The following CYP2C8 variants were observed in gnomAD, a reference collection of about 807,000 sequenced individuals.
CYP2C8 encodes the protein cytochrome P450 2C8.
CYP2C8 carries 51 observed loss-of-function variants against 41.3 expected under a neutral mutation model. The observed-to-expected ratio is 1.24, with a 90% confidence interval of 0.99 to 1.56. The LOEUF (loss-of-function observed/expected upper bound fraction) is 1.56, where lower values mean the gene tolerates loss of function less well. CYP2C8 is among the 40% of genes most tolerant of loss of function. The pLI is 0.00. For missense variants in CYP2C8, 651 were observed against 579.9 expected (o/e 1.12, Z -1.26); for synonymous variants, 218 against 205.8 (o/e 1.06, Z -0.51).
At chr10:95,055,970 G>A (rs2033308354) in intron 5 of CYP2C8, among the ~76,000 whole-genome samples, 1 of 152,050 alleles carries the variant, frequency 6.6e-6, no homozygotes, top group African/African-American at 2.4e-5. Flanking sequence ...GTTTGTGCCT[G>A]TGCTCCTAGC....
intron 4 of CYP2C8, among the ~76,000 whole-genome samples, chr10:95,059,825 G>A (rs574734727): frequency 3.3e-4 from 51 of 152,302 alleles, no homozygotes; most frequent in African/African-American, 1.2e-3. Flanking sequence ...TTTGTATAAG[G>A]TGTAAGGAAG....
intron 4 of CYP2C8, among the ~76,000 whole-genome samples, chr10:95,058,972 A>T (rs141472777): frequency 0.12 from 17,101 of 140,232 alleles, 1,318 homozygotes; most frequent in East Asian, 0.32. Flanking sequence ...AAGAACATGA[A>T]CTCATCCTTT....
chr10:95,039,168 T>C, intron 7 of CYP2C8, 130 bp from the exon 8 acceptor site: 1 of 832,940 alleles, frequency 1.2e-6, no homozygotes, highest in Non-Finnish European at 2.0e-6. Flanking sequence ...ACACAGTAAT[T>C]TACATGGATG....
chr10:95,058,019 T>C (rs1536430), intron 5 of CYP2C8, among the ~76,000 whole-genome samples: 150,531 of 152,308 alleles, frequency 0.99, 74,395 homozygotes, highest in East Asian at 1. Context: ...ATATTGATAT[T>C]CATCTTCAGT....
chr10:95,058,864 A>G (rs181039867), intron 4 of CYP2C8, among the ~76,000 whole-genome samples: 3 of 152,084 alleles, frequency 2.0e-5, no homozygotes, highest in East Asian at 1.9e-4. Flanking sequence ...TCATTGTTCA[A>G]TTCCCACCTA....
In CYP2C8 at chr10:95,067,295, G is replaced by C; in HGVS notation, c.394C>G (p.Arg132Gly). The change falls in exon 3 of 9, where the codon CGG becomes GGG. Residue 132 changes from arginine to glycine, a missense_variant. Coordinates refer to ENST00000371270, the MANE Select transcript of CYP2C8 (RefSeq NM_000770.3). Reference protein sequence around the residue: ...EIRRFSLTTLRNFGMGKRSIE... With the variant: ...EIRRFSLTTLGNFGMGKRSIE... ...CTCCTCTTCCCCATCCCAAAATTCC[G>C]CAAGGTTGTGAGGGAGAAACGCCGG... 1.2e-6 allele frequency: 2 copies of C among 1,614,106 alleles called. No individual in the cohort carries two copies. The highest frequency in any genetic ancestry group is 1.7e-6 in the Non-Finnish European group (2 of 1,180,026).
At position 95,037,314 on chromosome 10, in the gene CYP2C8, AG is replaced by A; in HGVS notation, c.1292-6del. 6.2e-7 allele frequency: 1 copy of A among 1,612,684 alleles called. No individual in the cohort carries two copies. On this transcript the variant is annotated splice_region_variant and splice_polypyrimidine_tract_variant and intron_variant, in intron 8 of 8. Coordinates refer to ENST00000371270, the MANE Select transcript of CYP2C8 (RefSeq NM_000770.3). Reference sequence around the variant, plus strand: ...CTCCTGCACAAATTCGTTTTCCTGAAGATAACAAAGAAAGGAAGTAGTTACT... The same window carrying A: ...CTCCTGCACAAATTCGTTTTCCTGAAATAACAAAGAAAGGAAGTAGTTACT...
At chr10:95,058,800 C>A (rs928440912) in intron 4 of CYP2C8, among the ~76,000 whole-genome samples, 1 of 152,108 alleles carries the variant, frequency 6.6e-6, no homozygotes, top group Non-Finnish European at 1.5e-5. Context: ...CCCCTCCCCC[C>A]ACCACACAAC....
At chr10:95,064,426 GC>G (rs1359054187) in intron 4 of CYP2C8, among the ~76,000 whole-genome samples, 2 of 152,172 alleles carry the variant, frequency 1.3e-5, no homozygotes. Flanking sequence ...GACCCTCCAA[GC>G]CAGGTGCAGG....
At chr10:95,048,353 C>A (rs1040845845) in intron 5 of CYP2C8, among the ~76,000 whole-genome samples, 1 of 152,164 alleles carries the variant, frequency 6.6e-6, no homozygotes, top group Non-Finnish European at 1.5e-5. Context: ...CTCTTTGCTA[C>A]AAAGGAGGGC....
chr10:95,044,129 T>C (rs940353386), intron 6 of CYP2C8, among the ~76,000 whole-genome samples: 3 of 152,182 alleles, frequency 2.0e-5, no homozygotes, highest in African/African-American at 7.2e-5. Flanking sequence ...ACTCTCATTC[T>C]CTTACATGAG....
chr10:95,053,559 A>G lies in CYP2C8; in HGVS notation c.819+4776T>C, dbSNP rs149522380. Among the ~76,000 whole-genome samples, 4 of 152,364 alleles carry G rather than the reference A, an allele frequency of 2.6e-5. No homozygotes were observed. The East Asian group carries it at 7.7e-4, about 29-fold the overall frequency. ...AGACTAGATAAAGAAAATATGGCAC[A>G]TATGCACCATGGAGTACTATGCAGC... On this transcript the variant is annotated intron_variant, in intron 5 of 8. Transcript: ENST00000371270.
intron 4 of CYP2C8, among the ~76,000 whole-genome samples, chr10:95,063,752 T>C (rs935064981): frequency 6.6e-6 from 1 of 152,174 alleles, no homozygotes; most frequent in East Asian, 1.9e-4. Context: ...GTTGTGTTTT[T>C]CCCCCATCTT....
intron 5 of CYP2C8, among the ~76,000 whole-genome samples, chr10:95,046,807 T>G (rs2033118255): frequency 6.6e-6 from 1 of 151,528 alleles, no homozygotes; most frequent in South Asian, 2.1e-4. Context: ...GGCTACCATA[T>G]TATTTCTAGT....
intron 5 of CYP2C8, among the ~76,000 whole-genome samples, chr10:95,054,538 A>C (rs2033276198): frequency 6.6e-6 from 1 of 152,166 alleles, no homozygotes; most frequent in Non-Finnish European, 1.5e-5. Flanking sequence ...TATTCAGCAT[A>C]GCACTTAAGG....
At chr10:95,040,508 C>T (rs2032972912) in intron 7 of CYP2C8, among the ~76,000 whole-genome samples, 1 of 152,076 alleles carries the variant, frequency 6.6e-6, no homozygotes, top group African/African-American at 2.4e-5. Context: ...TAGTTTATAG[C>T]ATAGCAACTA....
intron 5 of CYP2C8, among the ~76,000 whole-genome samples, chr10:95,051,213 T>A (rs2033209664): frequency 1.3e-5 from 2 of 152,122 alleles, no homozygotes; most frequent in Non-Finnish European, 2.9e-5. Context: ...TACTGAAGAA[T>A]GCATTGGAGT....
At chr10:95,063,334 A>AT (rs2033482168) in intron 4 of CYP2C8, among the ~76,000 whole-genome samples, 1 of 151,894 alleles carries the variant, frequency 6.6e-6, no homozygotes, top group Admixed American at 6.6e-5. Flanking sequence ...GGCTTTGTGC[A>AT]TTTCTTTTTA....
chr10:95,059,760 A>G (rs1381803626), intron 4 of CYP2C8, among the ~76,000 whole-genome samples: 1 of 152,092 alleles, frequency 6.6e-6, no homozygotes, highest in South Asian at 2.1e-4. Flanking sequence ...TTTCTTCTAG[A>G]ATTTTTATGG....
Sources: gnomAD v4.1 joint callset for allele counts (sites outside exome capture counted in the v4.1 genomes callset) on GRCh38, gnomAD v4.1.1 for gene constraint, MANE v1.5 for transcripts, NCBI Gene and HGNC (gene_info 2026-07-23, HGNC 2026-07-21) for gene names.